Variants in CCDC178 observed in about 807,000 individuals in gnomAD.
CCDC178 encodes coiled-coil domain-containing protein 178.
CCDC178 carries 126 observed loss-of-function variants against 117.4 expected under a neutral mutation model. That is an observed-to-expected ratio of 1.07 (90% CI 0.93 to 1.24). The LOEUF (loss-of-function observed/expected upper bound fraction) is 1.24. Ranked by LOEUF, CCDC178 falls within the 50% of genes most tolerant of loss-of-function variation. The pLI is 0.00. For missense variants in CCDC178, 1,030 were observed against 986.9 expected (o/e 1.04, Z -0.59); for synonymous variants, 283 against 313.4 (o/e 0.90, Z 1.02).
intron 14 of CCDC178, among the ~76,000 whole-genome samples, chr18:33,252,191 G>T (rs892560351): frequency 6.6e-6 from 1 of 151,656 alleles, no homozygotes; most frequent in African/African-American, 2.4e-5. Context: ...AACTATAAGA[G>T]AAGGTGGTTG....
At chr18:33,062,118 G>T (rs1028314458) in intron 21 of CCDC178, among the ~76,000 whole-genome samples, 5 of 151,992 alleles carry the variant, frequency 3.3e-5, no homozygotes, top group South Asian at 2.1e-4. Context: ...TTTTTTAAAG[G>T]TCTACTAACA....
At chr18:33,181,890 A>G (rs2144483598) in intron 20 of CCDC178, among the ~76,000 whole-genome samples, 1 of 152,006 alleles carries the variant, frequency 6.6e-6, no homozygotes, top group East Asian at 1.9e-4. Context: ...GTCACTAATC[A>G]TAAAATCTCT....
intron 7 of CCDC178, among the ~76,000 whole-genome samples, chr18:33,351,148 A>ATGTGTGTGTGTGTGTGTGTGTGTG (rs143702049): frequency 7.2e-6 from 1 of 138,088 alleles, no homozygotes; most frequent in African/African-American, 2.8e-5. Context: ...ACTGATCATG[A>ATGTGTGTGTGTGTGTGTGTGTGTG]TGTGTGTGTG....
At chr18:33,263,452 C>T (rs12606061) in intron 14 of CCDC178, among the ~76,000 whole-genome samples, 16,656 of 152,002 alleles carry the variant, frequency 0.11, 1,317 homozygotes, top group East Asian at 0.33. Context: ...TTTTATACAG[C>T]TATTTAAATG....
chr18:33,404,472 A>T (rs2144873241), intron 3 of CCDC178, among the ~76,000 whole-genome samples: 1 of 152,220 alleles, frequency 6.6e-6, no homozygotes, highest in South Asian at 2.1e-4. Flanking sequence ...GTTGGTAGGG[A>T]TGTGGAGAAA....
intron 14 of CCDC178, among the ~76,000 whole-genome samples, chr18:33,262,191 GA>G (rs1454211926): frequency 6.6e-6 from 1 of 152,118 alleles, no homozygotes; most frequent in Non-Finnish European, 1.5e-5. Flanking sequence ...AGAAACAGAT[GA>G]AGGAAAAAAT....
At chr18:33,201,730 C>G (rs1163297257) in intron 20 of CCDC178, among the ~76,000 whole-genome samples, 1 of 152,176 alleles carries the variant, frequency 6.6e-6, no homozygotes, top group Non-Finnish European at 1.5e-5. Flanking sequence ...GAGCCACAAA[C>G]AGACAGGAAG....
At chr18:33,432,439 C>T (rs1173857341) in intron 2 of CCDC178, among the ~76,000 whole-genome samples, 1 of 150,226 alleles carries the variant, frequency 6.7e-6, no homozygotes, top group Non-Finnish European at 1.5e-5. Flanking sequence ...TAGATTTCTC[C>T]AACACAATTT....
At position 33,026,787 on chromosome 18, in the gene CCDC178, G is replaced by GA. The variant is rs903422896; in HGVS notation, c.2389-52107dup. 7.2e-5 allele frequency among the ~76,000 whole-genome samples: 11 copies of GA among 151,752 alleles called. No individual in the cohort carries two copies. The South Asian group carries it at 2.1e-3, about 29-fold the overall frequency. On this transcript the variant is annotated intron_variant, in intron 21 of 22. Coordinates refer to ENST00000383096, the MANE Select transcript of CCDC178 (RefSeq NM_001105528.4). ...CATCATAAAACATAAGACAAATGAA[G>GA]AAAAAAAGCAATCTAGCATTCTAAA...
chr18:33,037,493 G>A (rs1386109432), intron 21 of CCDC178, among the ~76,000 whole-genome samples: 2 of 151,814 alleles, frequency 1.3e-5, no homozygotes, highest in African/African-American at 4.8e-5. Context: ...CACAATTGGA[G>A]GTATTTTATT....
At chr18:32,953,560 C>A (rs1450537250) in intron 22 of CCDC178, among the ~76,000 whole-genome samples, 3 of 152,210 alleles carry the variant, frequency 2.0e-5, no homozygotes, top group Non-Finnish European at 2.9e-5. Context: ...TAATATAGGA[C>A]AAACATTTAT....
At chr18:32,958,531 T>C (rs2054639836) in intron 22 of CCDC178, among the ~76,000 whole-genome samples, 2 of 152,174 alleles carry the variant, frequency 1.3e-5, no homozygotes, top group Admixed American at 1.3e-4. Flanking sequence ...TAATGTCAAG[T>C]ACAGAGGGAC....
intron 21 of CCDC178, among the ~76,000 whole-genome samples, chr18:33,004,308 A>G (rs1241531104): frequency 6.6e-6 from 1 of 152,164 alleles, no homozygotes; most frequent in Non-Finnish European, 1.5e-5. Flanking sequence ...AATAGAACAG[A>G]ATAGAGAATC....
At chr18:32,980,961 A>G (rs1456584055) in intron 21 of CCDC178, among the ~76,000 whole-genome samples, 1 of 152,198 alleles carries the variant, frequency 6.6e-6, no homozygotes, top group Non-Finnish European at 1.5e-5. Context: ...TAGACTTGCT[A>G]TAGTAAAAAT....
intron 20 of CCDC178, among the ~76,000 whole-genome samples, chr18:33,161,560 A>T (rs1050641280): frequency 6.6e-6 from 1 of 152,184 alleles, no homozygotes; most frequent in African/African-American, 2.4e-5. Context: ...AATTGCCTCA[A>T]AAATTTCCTA....
chr18:32,956,685 A>G (rs1011204908), intron 22 of CCDC178: 2 of 152,200 alleles, frequency 1.3e-5, no homozygotes, highest in African/African-American at 4.8e-5. Context: ...AATATAAAGT[A>G]CTGTAGAAAC....
chr18:33,230,926 T>C (rs1285199115), intron 15 of CCDC178, among the ~76,000 whole-genome samples: 2 of 152,216 alleles, frequency 1.3e-5, no homozygotes, highest in Admixed American at 1.3e-4. Context: ...GCCAATTCAT[T>C]GTAAAGGGAA....
At chr18:33,120,438 C>T (rs1011398137) in intron 20 of CCDC178, among the ~76,000 whole-genome samples, 1 of 152,062 alleles carries the variant, frequency 6.6e-6, no homozygotes, top group Non-Finnish European at 1.5e-5. Context: ...TCTCTTATTA[C>T]TCCCATCTTC....
Position 33,310,195 on chromosome 18 carries a change from A to T in CCDC178, c.1022+13296T>A, listed in dbSNP as rs140328590. Among the ~76,000 whole-genome samples the T allele has an allele frequency of 7.2e-4, 109 of 152,110 alleles. 4 individuals carry two copies. The East Asian group carries it at 0.019, about 27-fold the overall frequency. ...AGGATGGTCTCAATCTCCTGACCTC[A>T]TGATCCACCCACCTCGGCCTCCCAA... is the stretch of plus-strand genomic sequence containing the variant. On this transcript the variant is annotated intron_variant, in intron 11 of 22. Coordinates refer to ENST00000383096, the MANE Select transcript of CCDC178 (RefSeq NM_001105528.4).
Sources: gnomAD v4.1 joint callset for allele counts (sites outside exome capture counted in the v4.1 genomes callset) on GRCh38, gnomAD v4.1.1 for gene constraint, MANE v1.5 for transcripts, NCBI Gene and HGNC (gene_info 2026-07-23, HGNC 2026-07-21) for gene names.